CCDC102B: variants seen among roughly 807,000 people sequenced by gnomAD.
CCDC102B encodes coiled-coil domain containing 102B, also known as coiled-coil domain-containing protein 102B.
CCDC102B carries 75 observed loss-of-function variants against 57.4 expected under a neutral mutation model. That is an observed-to-expected ratio of 1.31 (90% confidence interval 1.08 to 1.58). The LOEUF is 1.58. Ranked by LOEUF, CCDC102B falls within the 40% of genes most tolerant of loss-of-function variation. The probability of loss-of-function intolerance (pLI) is 0.00; values close to 1 mark genes in which losing one functional copy is unlikely to be tolerated. For missense variants in CCDC102B, 636 were observed against 582.6 expected (o/e 1.09, Z -0.94); for synonymous variants, 206 against 201.9 (o/e 1.02, Z -0.17).
At chr18:68,878,390 G>A (rs941442690) in intron 5 of CCDC102B, among the ~76,000 whole-genome samples, 8 of 152,104 alleles carry the variant, frequency 5.3e-5, no homozygotes, top group African/African-American at 7.2e-5. Flanking sequence ...GAGCCACCAC[G>A]CCTGGGCTAG....
intron 6 of CCDC102B, among the ~76,000 whole-genome samples, chr18:68,994,917 T>C (rs1423917941): frequency 6.6e-6 from 1 of 152,066 alleles, no homozygotes; most frequent in Admixed American, 6.6e-5. Flanking sequence ...CCAGCAGAAG[T>C]TGGAACAGTT....
intron 6 of CCDC102B, among the ~76,000 whole-genome samples, chr18:68,934,876 TA>T (rs1000677991): frequency 2.2e-4 from 33 of 150,714 alleles, no homozygotes; most frequent in African/African-American, 3.7e-4. Context: ...ACGTTTCAAT[TA>T]AAAAAAAATA....
rs1386937903 is a variant in CCDC102B, at chr18:68,834,962, T to C, written c.-15-1787T>C. Among the ~76,000 whole-genome samples the C allele has an allele frequency of 2.6e-5, 4 of 152,104 alleles. No individual in the cohort carries two copies. In the Middle Eastern group the frequency reaches 0.01, roughly 393 times the overall value. On this transcript the variant is annotated intron_variant, in intron 1 of 7. Coordinates refer to ENST00000360242, the MANE Select transcript of CCDC102B (RefSeq NM_024781.3). ...AAAAAAGTGAGAGGATTTAATGTCA[T>C]GCACATAAAATATTATATAAGATTA...
At chr18:68,846,495 C>G in intron 4 of CCDC102B, 74 bp downstream of exon 4, 1 of 911,120 alleles carries the variant, frequency 1.1e-6, no homozygotes, top group African/African-American at 1.7e-5. Flanking sequence ...AGCATGTGGG[C>G]AGAAAGGCAC....
At chr18:68,921,634 A>G (rs2041285955) in intron 6 of CCDC102B, among the ~76,000 whole-genome samples, 1 of 152,190 alleles carries the variant, frequency 6.6e-6, no homozygotes, top group African/African-American at 2.4e-5. Context: ...GCTGGCTTTG[A>G]AGATAGAGAA....
intron 4 of CCDC102B, among the ~76,000 whole-genome samples, chr18:68,851,364 A>C (rs573818381): frequency 2.4e-4 from 36 of 152,194 alleles, no homozygotes; most frequent in Non-Finnish European, 3.4e-4. Flanking sequence ...AAATTAGCTT[A>C]TCAGGCCAAA....
chr18:68,910,815 C>CT (rs1306330858), intron 6 of CCDC102B, among the ~76,000 whole-genome samples: 1 of 151,982 alleles, frequency 6.6e-6, no homozygotes, highest in Non-Finnish European at 1.5e-5. Context: ...TACAGTCTTT[C>CT]TCAGCCAGGA....
intron 2 of CCDC102B, among the ~76,000 whole-genome samples, chr18:68,723,506 A>T (rs761421795): frequency 6.6e-6 from 1 of 152,226 alleles, no homozygotes; most frequent in Non-Finnish European, 1.5e-5. Flanking sequence ...ACATACAATG[A>T]GGGCGCAAGG....
At chr18:68,922,650 C>A (rs539808534) in intron 6 of CCDC102B, among the ~76,000 whole-genome samples, 1 of 152,198 alleles carries the variant, frequency 6.6e-6, no homozygotes, top group South Asian at 2.1e-4. Context: ...TCTCCCCATG[C>A]CTTCTGAAGC....
chr18:68,970,112 T>C (rs1165494129), intron 6 of CCDC102B, among the ~76,000 whole-genome samples: 1 of 152,068 alleles, frequency 6.6e-6, no homozygotes, highest in Non-Finnish European at 1.5e-5. Context: ...TCATAAAATA[T>C]ATTAGCAAAG....
At chr18:68,998,807 A>G (rs2145351583) in intron 6 of CCDC102B, among the ~76,000 whole-genome samples, 1 of 151,998 alleles carries the variant, frequency 6.6e-6, no homozygotes, top group East Asian at 1.9e-4. Context: ...AGCTGATTAG[A>G]TGGTGCCTAC....
At chr18:68,831,826 C>G (rs912567284) in intron 1 of CCDC102B, among the ~76,000 whole-genome samples, 1 of 152,140 alleles carries the variant, frequency 6.6e-6, no homozygotes, top group East Asian at 1.9e-4. Context: ...TGTACTCTTG[C>G]AAAAGTTCAT....
intron 3 of CCDC102B, among the ~76,000 whole-genome samples, chr18:68,844,730 T>A (rs1351843049): frequency 6.6e-6 from 1 of 151,920 alleles, no homozygotes; most frequent in Non-Finnish European, 1.5e-5. Context: ...CTTACTGATT[T>A]ATTATTTCTC....
At position 68,724,711 on chromosome 18, in the gene CCDC102B, C is replaced by T. The variant is rs572386244; in HGVS notation, c.-67+8117C>T. ...AAATTTCTAGAAAGTTCCAAACTTT[C>T]CCACATCTTCCTGTCTTCTAAACCC... On this transcript the variant is annotated intron_variant, in intron 2 of 3. Coordinates refer to the CCDC102B transcript ENST00000578970. Among the ~76,000 whole-genome samples the T allele has an allele frequency of 8.5e-5, 13 of 152,306 alleles. No individual in the cohort carries two copies. The East Asian group carries it at 2.5e-3, about 29-fold the overall frequency.
At chr18:68,998,926 C>G (rs1217241592) in intron 6 of CCDC102B, among the ~76,000 whole-genome samples, 1 of 146,256 alleles carries the variant, frequency 6.8e-6, no homozygotes, top group African/African-American at 2.6e-5. Flanking sequence ...ATCCTTCAAT[C>G]CAATCAAGTT....
intron 2 of CCDC102B, among the ~76,000 whole-genome samples, chr18:68,726,449 G>A (rs1162557571): frequency 2.6e-5 from 4 of 152,206 alleles, no homozygotes; most frequent in Admixed American, 6.5e-5. Context: ...CAGTGAGAGA[G>A]GCTGATGGAC....
chr18:69,054,001 A>G, intron 7 of CCDC102B, 29 bp from the exon 8 acceptor site: 1 of 1,583,478 alleles, frequency 6.3e-7, no homozygotes. Context: ...ACTTGAACCT[A>G]ACTAAAGCAT....
intron 2 of CCDC102B, among the ~76,000 whole-genome samples, chr18:68,777,063 G>T (rs376064041): frequency 3.3e-5 from 5 of 152,110 alleles, no homozygotes; most frequent in Non-Finnish European, 5.9e-5. Context: ...CATCAGTTCC[G>T]TGGGGAAATT....
intron 6 of CCDC102B, among the ~76,000 whole-genome samples, chr18:68,909,619 T>A (rs991465282): frequency 6.6e-6 from 1 of 152,206 alleles, no homozygotes; most frequent in African/African-American, 2.4e-5. Flanking sequence ...AACTCTGATA[T>A]TGAATATACA....
Sources: allele counts gnomAD v4.1 joint callset (sites outside exome capture counted in the v4.1 genomes callset), GRCh38; gene constraint gnomAD v4.1.1; transcripts MANE v1.5; gene names NCBI Gene and HGNC (gene_info 2026-07-23, HGNC 2026-07-21).